ANKS1A: variants seen among roughly 807,000 people sequenced by gnomAD.
ANKS1A encodes the protein ankyrin repeat and sterile alpha motif domain containing 1A, also known as ankyrin repeat and SAM domain-containing protein 1A.
Under a neutral mutation model 120.3 loss-of-function variants are expected in ANKS1A, and 55 were observed. The ratio of observed to expected loss-of-function variants is 0.46; its 90% CI spans 0.37 to 0.57. ANKS1A has a LOEUF of 0.57. Ranked by LOEUF, ANKS1A falls within the 20% of genes least tolerant of loss-of-function variation. ANKS1A has a pLI of 0.00. For missense variants in ANKS1A, 1,123 were observed against 1,480.3 expected, an observed-to-expected ratio of 0.76 and a Z score of 3.96; for synonymous variants, 590 against 604.7, an observed-to-expected ratio of 0.98 and a Z score of 0.36.
Position 35,044,722 on chromosome 6 carries a change from C to T in ANKS1A, c.2011-9377C>T, listed in dbSNP as rs1168146231. Among the ~76,000 whole-genome samples, 1 of 152,242 alleles carries T rather than the reference C, an allele frequency of 6.6e-6. No homozygotes were observed. The highest frequency in any genetic ancestry group is 1.5e-5 in the Non-Finnish European group (1 of 68,040). On this transcript the variant is annotated intron_variant, in intron 11 of 23. Coordinates refer to ENST00000360359, the MANE Select transcript of ANKS1A (RefSeq NM_015245.3). The surrounding 1 kb of genome is among the most constrained non-coding windows in gnomAD (Gnocchi z 4.4). ...TTCTCTGCCAAAAGGAAGCCCTTTC[C>T]CTCTGGTGTATCTTTTAAAACAAAA...
Position 34,970,850 on chromosome 6 carries a change from T to TA in ANKS1A, c.435+695dup, listed in dbSNP as rs376847556. 8.1e-3 allele frequency among the ~76,000 whole-genome samples: 1,155 copies of TA among 141,822 alleles called. 20 individuals are homozygous for TA. Among genetic ancestry groups the TA allele is most frequent in the African/African-American group, 0.027 (1,031 of 38,564 alleles). The allele number at this position is 141,822 out of a possible 152,430, so 93.0% of individuals were successfully genotyped here. On this transcript the variant is annotated intron_variant, in intron 3 of 23. Transcript: ENST00000360359. ...CCCAGGCCCCATCTCTATAAAAAAT[T>TA]AAAAAAAAAAAGGCCGGATGTGGTG... is the stretch of plus-strand genomic sequence containing the variant.
chr6:35,083,148 C>T lies in ANKS1A; in HGVS notation c.2836-7C>T, dbSNP rs532383266. ...TTCCTAAGCCTGGCCACTGCTCGCC[C>T]CCACAGTATCTGGGCTCCATGCTGA... is the stretch of plus-strand genomic sequence containing the variant. On this transcript the variant is annotated splice_region_variant and splice_polypyrimidine_tract_variant and intron_variant, in intron 18 of 23. Coordinates refer to ENST00000360359, the MANE Select transcript of ANKS1A (RefSeq NM_015245.3). 2.9e-5 allele frequency: 46 copies of T among 1,613,910 alleles called. No individual in the cohort carries two copies. The South Asian group carries it at 4.8e-4, about 17-fold the overall frequency.
At chr6:35,077,141 C>T (rs943533508) in intron 13 of ANKS1A, among the ~76,000 whole-genome samples, 6 of 152,102 alleles carry the variant, frequency 3.9e-5, no homozygotes, top group South Asian at 2.1e-4. Flanking sequence ...CTAGCACTGG[C>T]GTCACTAAGA....
In ANKS1A at chr6:35,085,957, A is replaced by G. The variant is rs769701591; in HGVS notation, c.3303+21A>G. The stretch of plus-strand genomic sequence containing the variant: ...CCGCAGTACGTGGGCCCCACTGGCC[A>G]AGATCCCCCTCTCCCTGGCCCCAGG... On this transcript the variant is annotated intron_variant, in intron 22 of 23. Coordinates refer to ENST00000360359, the MANE Select transcript of ANKS1A (RefSeq NM_015245.3). The surrounding 1 kb of genome is among the most constrained non-coding windows in gnomAD (Gnocchi z 4.7). 6.3e-7 allele frequency: 1 copy of G among 1,578,042 alleles called. No homozygotes were observed. The highest frequency in any genetic ancestry group is 8.6e-7 in the Non-Finnish European group (1 of 1,164,330).
At chr6:35,072,774 T>C (rs1472048249) in intron 13 of ANKS1A, among the ~76,000 whole-genome samples, 1 of 151,972 alleles carries the variant, frequency 6.6e-6, no homozygotes, top group Non-Finnish European at 1.5e-5. Context: ...TGCTGAGAGA[T>C]GGGATTCTAC....
chr6:34,964,556 G>A (rs1385051514), intron 1 of ANKS1A, among the ~76,000 whole-genome samples: 1 of 152,112 alleles, frequency 6.6e-6, no homozygotes, highest in East Asian at 1.9e-4. Flanking sequence ...GGTCCAATTT[G>A]TTTTCTTTCC....
intron 10 of ANKS1A, among the ~76,000 whole-genome samples, chr6:35,009,238 A>G (rs56133372): frequency 7.9e-5 from 12 of 152,292 alleles, no homozygotes; most frequent in Non-Finnish European, 1.0e-4. Flanking sequence ...AGCCCAGACT[A>G]GAGGGGGAGT....
At chr6:34,930,814 G>C (rs1358167253) in intron 1 of ANKS1A, among the ~76,000 whole-genome samples, 2 of 151,938 alleles carry the variant, frequency 1.3e-5, no homozygotes, top group Non-Finnish European at 2.9e-5. Context: ...CTGCTCATCA[G>C]AAATGACACT....
chr6:34,921,041 A>G (rs1180017730), intron 1 of ANKS1A, among the ~76,000 whole-genome samples: 1 of 152,242 alleles, frequency 6.6e-6, no homozygotes, highest in African/African-American at 2.4e-5. Context: ...ACTATCATGC[A>G]GGCAGATAAG....
rs145661466 is a variant in ANKS1A, at chr6:34,982,461, C to T, written c.733-291C>T. Among the ~76,000 whole-genome samples, 366 of 152,296 alleles carry T rather than the reference C, an allele frequency of 2.4e-3. No individual in the cohort carries two copies. The highest frequency in any genetic ancestry group is 8.3e-3 in the African/African-American group (344 of 41,568). On this transcript the variant is annotated intron_variant, in intron 4 of 23. Coordinates refer to ENST00000360359, the MANE Select transcript of ANKS1A (RefSeq NM_015245.3). This position sits in a 1 kb window ranked among gnomAD's most constrained non-coding sequence, Gnocchi z 4.9. ...TTCTGTTGTACTTTTCTTCTTATTA[C>T]TCCTTCCACCCAGGAAGGTGGAGTT...
chr6:35,067,258 C>A (rs1029340958), intron 13 of ANKS1A, among the ~76,000 whole-genome samples: 10 of 152,132 alleles, frequency 6.6e-5, no homozygotes, highest in African/African-American at 2.4e-4. Flanking sequence ...ACCCCCGGGC[C>A]AGCCCCACAG....
rs1777920918 is a variant in ANKS1A at position 35,085,632 on chromosome 6, G to C, written c.3133-134G>C. Reference sequence around the variant, plus strand: ...TAGGAAGAGTAAAGGAGGGAAAGGAGGGAAGAGTGGAAGGAGGTAGGAGCG... The same window carrying C: ...TAGGAAGAGTAAAGGAGGGAAAGGACGGAAGAGTGGAAGGAGGTAGGAGCG... On this transcript the variant is annotated intron_variant, in intron 21 of 23. Transcript: ENST00000360359. This position sits in a 1 kb window ranked among gnomAD's most constrained non-coding sequence, Gnocchi z 4.7. The C allele has an allele frequency of 2.5e-6, 2 of 808,236 alleles. No homozygotes were observed. Among genetic ancestry groups the C allele is most frequent in the South Asian group, 4.2e-5 (2 of 47,482 alleles). The allele number at this position is 808,236 out of a possible 1,614,324, so 50.1% of individuals were successfully genotyped here. A position where few individuals can be genotyped will look rare whatever the true frequency, so the allele number is the denominator to read the frequency against.
rs532337614 is a variant in ANKS1A, at chr6:34,941,149, G to A, written c.198-26090G>A. On this transcript the variant is annotated intron_variant, in intron 1 of 23. Transcript: ENST00000360359. ...ATCACAGGCGTGTGCCACCACGCCCGGCTAATTTTTGTATTTTTAGTAGAG... is the reference window on the plus strand; with the variant it reads ...ATCACAGGCGTGTGCCACCACGCCCAGCTAATTTTTGTATTTTTAGTAGAG... Among the ~76,000 whole-genome samples, 18 of 151,824 alleles carry A rather than the reference G, an allele frequency of 1.2e-4. No homozygotes were observed. The South Asian group carries it at 2.9e-3, about 25-fold the overall frequency.
chr6:34,924,733 T>C (rs1314684069), intron 1 of ANKS1A, among the ~76,000 whole-genome samples: 1 of 152,226 alleles, frequency 6.6e-6, no homozygotes, highest in Non-Finnish European at 1.5e-5. Flanking sequence ...ATCGGAATAT[T>C]CAAGATTCCT....
chr6:34,924,465 G>A (rs2127468323), intron 1 of ANKS1A, among the ~76,000 whole-genome samples: 1 of 152,188 alleles, frequency 6.6e-6, no homozygotes, highest in South Asian at 2.1e-4. Context: ...CTATCTAAAG[G>A]AGACATTCTT....
intron 1 of ANKS1A, among the ~76,000 whole-genome samples, chr6:34,959,198 C>A (rs145485603): frequency 1.3e-5 from 2 of 152,178 alleles, no homozygotes; most frequent in African/African-American, 2.4e-5. Flanking sequence ...GTTCTTCTGT[C>A]GCTGTGTTTT....
chr6:34,941,897 A>G (rs1462024505), intron 1 of ANKS1A, among the ~76,000 whole-genome samples: 2 of 152,204 alleles, frequency 1.3e-5, no homozygotes, highest in Non-Finnish European at 2.9e-5. Flanking sequence ...GTTCAGAGCC[A>G]GAGGAAATGA....
intron 10 of ANKS1A, among the ~76,000 whole-genome samples, chr6:35,002,564 C>G (rs766476047): frequency 1.3e-5 from 2 of 152,032 alleles, no homozygotes; most frequent in Non-Finnish European, 2.9e-5. Context: ...TACTGGTACT[C>G]TAAAAGAAAC....
intron 10 of ANKS1A, among the ~76,000 whole-genome samples, chr6:35,010,778 C>G (rs1773721185): frequency 6.6e-6 from 1 of 152,040 alleles, no homozygotes; most frequent in African/African-American, 2.4e-5. Flanking sequence ...GATGAAATTA[C>G]CCCCCAATTT....
Sources: gnomAD v4.1 joint callset for allele counts (sites outside exome capture counted in the v4.1 genomes callset) on GRCh38, gnomAD v4.1.1 for gene constraint, Gnocchi (gnomAD v3.1) non-coding constraint, MANE v1.5 for transcripts, NCBI Gene and HGNC (gene_info 2026-07-23, HGNC 2026-07-21) for gene names.